The following CEP97 variants were observed in gnomAD, a reference collection of about 807,000 sequenced individuals.
CEP97 encodes the protein centrosomal protein of 97 kDa.
CEP97 carries 43 observed loss-of-function variants against 73.1 expected under a neutral mutation model. The observed-to-expected ratio is 0.59, with a 90% confidence interval of 0.46 to 0.76. CEP97 has a LOEUF of 0.76. CEP97 is among the 30% of genes least tolerant of loss of function. The pLI, the probability that CEP97 is intolerant of heterozygous loss-of-function variation, is 0.00. For missense variants in CEP97, 939 were observed against 1,014.0 expected, an observed-to-expected ratio of 0.93 and a Z score of 1.00; for synonymous variants, 337 against 370.0, an observed-to-expected ratio of 0.91 and a Z score of 1.02.
rs1399433716 is a variant in CEP97, at chr3:101,768,826, A to G, written c.*3275A>G. The G allele has an allele frequency of 6.6e-6, 1 of 152,220 alleles. No individual in the cohort carries two copies. The highest frequency in any genetic ancestry group is 1.5e-5 in the Non-Finnish European group (1 of 68,036). The allele number at this position is 152,220 out of a possible 1,614,324, so 9.4% of individuals were successfully genotyped here. On this transcript the variant is annotated 3_prime_UTR_variant, in exon 11 of 11. Transcript: ENST00000341893. Reference sequence around the variant, plus strand: ...CTTCAGTTTTGTAGAACAGATGTTAAAATGTTAACTCTCCTGGTGTGCAGA... The same window carrying G: ...CTTCAGTTTTGTAGAACAGATGTTAGAATGTTAACTCTCCTGGTGTGCAGA...
chr3:101,762,047 C>G (rs1004708446), intron 9 of CEP97, among the ~76,000 whole-genome samples: 1 of 152,140 alleles, frequency 6.6e-6, no homozygotes, highest in Non-Finnish European at 1.5e-5. Context: ...AGCTGGATCA[C>G]GAGTACTTAA....
At chr3:101,757,583 C>G in intron 8 of CEP97, 51 bp from the exon 9 acceptor site, 1 of 1,513,336 alleles carries the variant, frequency 6.6e-7, no homozygotes, top group Non-Finnish European at 9.0e-7. Context: ...AGGGACATAA[C>G]TAAAATGTAA....
At chr3:101,737,292 TC>T (rs1418255867) in intron 6 of CEP97, among the ~76,000 whole-genome samples, 3 of 151,936 alleles carry the variant, frequency 2.0e-5, no homozygotes, top group African/African-American at 7.3e-5. Context: ...CAGGAGAACG[TC>T]CCCAACCTAG....
At chr3:101,744,329 A>G (rs1020744553) in intron 6 of CEP97, among the ~76,000 whole-genome samples, 1 of 152,160 alleles carries the variant, frequency 6.6e-6, no homozygotes, top group Non-Finnish European at 1.5e-5. Flanking sequence ...CATGCCTGTA[A>G]TCCTAGCACT....
chr3:101,746,141 A>C (rs1296249290), intron 6 of CEP97, among the ~76,000 whole-genome samples: 3 of 152,290 alleles, frequency 2.0e-5, no homozygotes, highest in Admixed American at 1.3e-4. Context: ...ACATTTTCTT[A>C]ATCCAGTCTA....
At chr3:101,763,506 C>G (rs1490052815) in intron 10 of CEP97, among the ~76,000 whole-genome samples, 1 of 151,992 alleles carries the variant, frequency 6.6e-6, no homozygotes, top group African/African-American at 2.4e-5. Flanking sequence ...CCAGTGTGCT[C>G]AGCTTCCCTG....
At chr3:101,724,844 C>G in intron 1 of CEP97, 125 bp downstream of exon 1, 1 of 1,005,530 alleles carries the variant, frequency 9.9e-7, no homozygotes, top group African/African-American at 1.6e-5. Flanking sequence ...GATCTGTGGT[C>G]GTCGCGGAGG....
rs774193955 is a variant in CEP97 at position 101,758,511 on chromosome 3, A to G, written c.1817+88A>G. On this transcript the variant is annotated intron_variant, in intron 9 of 10. Transcript: ENST00000341893. ...TGATTCAGAACACTGTGCTTCTGTG[A>G]TTATAACACTTTTCACACAATGTAG... 4.1e-6 allele frequency: 6 copies of G among 1,472,588 alleles called. No individual in the cohort carries two copies. In the Admixed American group the frequency reaches 1.1e-4, roughly 28 times the overall value. 91.2% of individuals were successfully genotyped at this position (1,472,588 alleles called of 1,614,324 possible).
chr3:101,748,127 C>G (rs1205479156), intron 6 of CEP97, among the ~76,000 whole-genome samples: 2 of 36,794 alleles, frequency 5.4e-5, no homozygotes, highest in African/African-American at 1.1e-4. Context: ...GAGACCTTGT[C>G]TCAAAAAAAA....
In CEP97 at chr3:101,728,892, T is replaced by TAATATATCC. The variant is rs1488343339; in HGVS notation, c.403_411dup (p.Asn135_Ser137dup). 1.9e-6 allele frequency: 3 copies of TAATATATCC among 1,605,650 alleles called. No individual in the cohort carries two copies. Among genetic ancestry groups the TAATATATCC allele is most frequent in the Non-Finnish European group, 2.6e-6 (3 of 1,172,374 alleles). The stretch of plus-strand genomic sequence containing the variant: ...TACAGCATCTCGATTTATCAGACAA[T>TAATATATCC]AATATATCCCAGATAGGTGATCTAT... On this transcript the variant is annotated inframe_insertion, in exon 4 of 11. Coordinates refer to ENST00000341893, the MANE Select transcript of CEP97 (RefSeq NM_024548.4).
rs767825851 is a variant in CEP97, at chr3:101,732,588, C to T, written c.662C>T (p.Pro221Leu). 6.2e-6 allele frequency: 10 copies of T among 1,613,942 alleles called. No individual in the cohort carries two copies. Among genetic ancestry groups the T allele is most frequent in the East Asian group, 2.2e-5 (1 of 44,882 alleles). ...TPSIPGFDYR[P>L]YIVSWCLNLR... ...TCCATCCCAGGATTTGACTATCGGC[C>T]GTACATCGTCAGCTGGTGCCTAAAC... Residue 221 changes from proline to leucine, a missense_variant, in exon 6 of 11, where the codon CCG (proline) becomes CTG (leucine). By Grantham distance (98) the Pro-to-Leu change is moderately conservative (BLOSUM62 -3). Coordinates refer to ENST00000341893, the MANE Select transcript of CEP97 (RefSeq NM_024548.4).
At chr3:101,725,170 C>T (rs1392036697) in intron 1 of CEP97, among the ~76,000 whole-genome samples, 1 of 152,234 alleles carries the variant, frequency 6.6e-6, no homozygotes, top group South Asian at 2.1e-4. Context: ...TGGCTTTGAA[C>T]CCTTCCTCGG....
intron 6 of CEP97, among the ~76,000 whole-genome samples, chr3:101,733,447 A>C (rs1938175967): frequency 6.6e-6 from 1 of 152,186 alleles, no homozygotes. Flanking sequence ...TTATAATGAT[A>C]ACTCTGGGAA....
chr3:101,757,016 C>CT lies in CEP97; in HGVS notation c.894-40dup, dbSNP rs769196163. 9.0e-5 allele frequency: 136 copies of CT among 1,517,918 alleles called. No individual in the cohort carries two copies. The African/African-American group carries it at 1.7e-3, about 20-fold the overall frequency. 94.0% of individuals were successfully genotyped at this position (1,517,918 alleles called of 1,614,324 possible). On this transcript the variant is annotated intron_variant, in intron 7 of 10. Transcript: ENST00000341893. ...GTTACCTAGGAAGCAGAAAATCTTTCTTTTTTTGGTTTGTGTTAAATTAGA... is the reference window on the plus strand; with the variant it reads ...GTTACCTAGGAAGCAGAAAATCTTTCTTTTTTTTGGTTTGTGTTAAATTAGA...
chr3:101,745,572 C>T lies in CEP97; in HGVS notation c.729-9858C>T, dbSNP rs61404003. Among the ~76,000 whole-genome samples, 1,325 of 143,894 alleles carry T rather than the reference C, an allele frequency of 9.2e-3. 24 individuals carry two copies. The highest frequency in any genetic ancestry group is 0.031 in the African/African-American group (1,226 of 39,616). 94.4% of individuals were successfully genotyped at this position (143,894 alleles called of 152,430 possible). On this transcript the variant is annotated intron_variant, in intron 6 of 10. Coordinates refer to ENST00000341893, the MANE Select transcript of CEP97 (RefSeq NM_024548.4). ...TAAGCCACTGCACCTAGCCAATATC[C>T]TTTTTTTTTTTTAAAGGGATATTTC...
chr3:101,763,138 G>T, intron 10 of CEP97: 1 of 1,209,076 alleles, frequency 8.3e-7, no homozygotes, highest in Non-Finnish European at 1.1e-6. Flanking sequence ...TGCCCAGGCC[G>T]GTCTCAAACT....
At position 101,768,151 on chromosome 3, in the gene CEP97, AT is replaced by A. The variant is rs1238540117; in HGVS notation, c.*2601del. On this transcript the variant is annotated 3_prime_UTR_variant, in exon 11 of 11. Coordinates refer to ENST00000341893, the MANE Select transcript of CEP97 (RefSeq NM_024548.4). Reference sequence around the variant, plus strand: ...TTAAGAATTCCTGCAGAAGCACAGAATCATACCATGTAAGAGTTGGAAGGAA... The same window carrying A: ...TTAAGAATTCCTGCAGAAGCACAGAACATACCATGTAAGAGTTGGAAGGAA... The A allele has an allele frequency of 1.3e-5, 2 of 152,230 alleles. No homozygotes were observed. The highest frequency in any genetic ancestry group is 3.8e-4 in the East Asian group (2 of 5,200). 9.4% of individuals were successfully genotyped at this position (152,230 alleles called of 1,614,324 possible).
At chr3:101,732,960 A>G (rs1360230186) in intron 6 of CEP97, among the ~76,000 whole-genome samples, 2 of 148,484 alleles carry the variant, frequency 1.3e-5, no homozygotes, top group African/African-American at 4.9e-5. Context: ...CCACATCTCA[A>G]AAAAAAAAAA....
intron 7 of CEP97, 91 bp from the exon 8 acceptor site, chr3:101,756,972 C>A: frequency 2.4e-6 from 3 of 1,234,994 alleles, no homozygotes; most frequent in Non-Finnish European, 3.4e-6. Flanking sequence ...AACTTGTAAA[C>A]TTCTGCCTTT....
Sources: gnomAD v4.1 joint callset for allele counts (sites outside exome capture counted in the v4.1 genomes callset) on GRCh38, gnomAD v4.1.1 for gene constraint, MANE v1.5 for transcripts, NCBI Gene and HGNC (gene_info 2026-07-23, HGNC 2026-07-21) for gene names.